KRABD1: variants seen among roughly 807,000 people sequenced by gnomAD.
KRABD1 encodes KRAB domain-containing protein 1.
At chr3:42,939,929 T>C in the KRABD1 span, among the ~76,000 whole-genome samples, 2 of 152,204 alleles carry the variant, frequency 1.3e-5, no homozygotes, top group Non-Finnish European at 1.5e-5. Flanking sequence ...GTCAGACATA[T>C]GTGTTATTAA....
At chr3:42,937,633 T>C in the KRABD1 span, 1 of 152,274 alleles carries the variant, frequency 6.6e-6, no homozygotes, top group Non-Finnish European at 1.5e-5. Context: ...GCATTACTTG[T>C]GTAGGTTTAC....
At chr3:42,942,415 A>T in the KRABD1 span, 12 of 428,804 alleles carry the variant, frequency 2.8e-5, no homozygotes, top group African/African-American at 6.0e-5. Context: ...TTCACTGACC[A>T]ACAGAACAAG....
At chr3:42,937,990 A>G in the KRABD1 span, 2 of 152,208 alleles carry the variant, frequency 1.3e-5, no homozygotes, top group East Asian at 3.9e-4. Context: ...CTCTGATCCA[A>G]CTGTTGGCAG....
chr3:42,941,184 C>A, the KRABD1 span: 1 of 1,528,634 alleles, frequency 6.5e-7, no homozygotes, highest in South Asian at 1.2e-5. Context: ...TGACCATCAC[C>A]AAAGTACTGA....
the KRABD1 span, among the ~76,000 whole-genome samples, chr3:42,940,283 T>TA: frequency 2.0e-5 from 3 of 152,210 alleles, no homozygotes; most frequent in Non-Finnish European, 4.4e-5. Context: ...TTGGTGAACA[T>TA]ATATGTCTGT....
chr3:42,938,237 A>G, the KRABD1 span: 1 of 152,194 alleles, frequency 6.6e-6, no homozygotes, highest in African/African-American at 2.4e-5. Flanking sequence ...CTTTCTCATC[A>G]CCCACTCCAA....
chr3:42,942,592 T>C, the KRABD1 span: 2 of 1,452,406 alleles, frequency 1.4e-6, no homozygotes, highest in Non-Finnish European at 1.8e-6. Context: ...TTACGTAGAA[T>C]AGTATCAAAA....
chr3:42,940,085 T>G, the KRABD1 span, among the ~76,000 whole-genome samples: 1 of 152,262 alleles, frequency 6.6e-6, no homozygotes, highest in Non-Finnish European at 1.5e-5. Flanking sequence ...GATGTTCTTC[T>G]GTGTTTTCTT....
the KRABD1 span, among the ~76,000 whole-genome samples, chr3:42,940,962 C>G: frequency 6.6e-6 from 1 of 152,194 alleles, no homozygotes; most frequent in African/African-American, 2.4e-5. Context: ...GCAGCTTCAG[C>G]GTCTGTGGAG....
At chr3:42,940,880 G>A in the KRABD1 span, among the ~76,000 whole-genome samples, 1 of 152,260 alleles carries the variant, frequency 6.6e-6, no homozygotes, top group African/African-American at 2.4e-5. Flanking sequence ...TAAGCTGACA[G>A]CTATGTTCGG....
At chr3:42,941,911 C>A in the KRABD1 span, 8 of 1,207,702 alleles carry the variant, frequency 6.6e-6, no homozygotes, top group Non-Finnish European at 9.4e-6. Flanking sequence ...AATTTGACCC[C>A]TATGACTATG....
chr3:42,938,131 G>C, the KRABD1 span: 1 of 152,164 alleles, frequency 6.6e-6, no homozygotes, highest in Non-Finnish European at 1.5e-5. Flanking sequence ...GTTTAGAAAT[G>C]AAATTGTTTT....
chr3:42,939,628 G>A, the KRABD1 span, among the ~76,000 whole-genome samples: 1 of 152,106 alleles, frequency 6.6e-6, no homozygotes, highest in Non-Finnish European at 1.5e-5. Context: ...TAGTTTAGTA[G>A]ATACTGCCCA....
At chr3:42,937,901 T>C in the KRABD1 span, 4 of 152,246 alleles carry the variant, frequency 2.6e-5, no homozygotes, top group Admixed American at 1.3e-4. Context: ...ACTGCAGATA[T>C]GGAGTTGGAA....
chr3:42,942,481 A>AT, the KRABD1 span: 2 of 505,532 alleles, frequency 4.0e-6, no homozygotes, highest in South Asian at 5.7e-5. Context: ...ATTTTAAATA[A>AT]TTTTTTATAC....
the KRABD1 span, chr3:42,941,998 G>T: frequency 6.5e-7 from 1 of 1,536,010 alleles, no homozygotes; most frequent in Non-Finnish European, 8.7e-7. Context: ...CTCATCTGGA[G>T]CAAGGGAAAG....
At chr3:42,940,313 A>G in the KRABD1 span, among the ~76,000 whole-genome samples, 2 of 152,118 alleles carry the variant, frequency 1.3e-5, no homozygotes, top group Non-Finnish European at 2.9e-5. Flanking sequence ...TAAAATCCCT[A>G]TTCAGTTCTA....
chr3:42,941,149 TTCTCAGGTCTC>T, the KRABD1 span: 2 of 1,411,722 alleles, frequency 1.4e-6, no homozygotes, highest in Non-Finnish European at 1.9e-6. Flanking sequence ...GTAGATGCCC[TTCTCAGGTCTC>T]TCATTGGCAG....
chr3:42,939,118 G>C, the KRABD1 span, among the ~76,000 whole-genome samples: 1 of 152,056 alleles, frequency 6.6e-6, no homozygotes, highest in African/African-American at 2.4e-5. Flanking sequence ...AGTCTTAACA[G>C]TATAGCTCAC....
Sources: gnomAD v4.1 joint callset for allele counts (sites outside exome capture counted in the v4.1 genomes callset) on GRCh38, gnomAD v4.1.1 for gene constraint, MANE v1.5 for transcripts, NCBI Gene and HGNC (gene_info 2026-07-23, HGNC 2026-07-21) for gene names.